Variants in ZSCAN22 observed in about 807,000 individuals in gnomAD.
ZSCAN22 encodes zinc finger and SCAN domain-containing protein 22.
ZSCAN22 carries 7 observed loss-of-function variants against 12.4 expected under a neutral mutation model. The observed-to-expected ratio is 0.57, with a 90% CI of 0.32 to 1.06. The LOEUF is 1.06. Among genes scored for constraint, ZSCAN22 ranks in the 50% least tolerant of loss-of-function variants. The pLI is 0.04. For missense variants in ZSCAN22, 576 were observed against 631.7 expected (o/e 0.91, Z 0.94); for synonymous variants, 243 against 255.9 (o/e 0.95, Z 0.48).
rs1246271145 is a variant in ZSCAN22 at position 58,329,856 on chromosome 19, G to T, written c.-52+2742G>T. Among the ~76,000 whole-genome samples, 1 of 152,182 alleles carries T rather than the reference G, an allele frequency of 6.6e-6. No homozygotes were observed. Among genetic ancestry groups the T allele is most frequent in the African/African-American group, 2.4e-5 (1 of 41,434 alleles). On this transcript the variant is annotated intron_variant, in intron 1 of 2. Coordinates refer to ENST00000329665, the MANE Select transcript of ZSCAN22 (RefSeq NM_181846.3). This position sits in a 1 kb window ranked among gnomAD's most constrained non-coding sequence, Gnocchi z 4.1. ...AGGGTCTTGGAACACATCCCCTGCA[G>T]ATAAGGGGGAACTACCATAGTATAA...
In ZSCAN22 at chr19:58,338,231, C is replaced by A; in HGVS notation, c.404-23C>A. 1 of 1,567,912 alleles carries A rather than the reference C, an allele frequency of 6.4e-7. No homozygotes were observed. ...AGGCTTGGTGTGGTAGGAGGAGTGA[C>A]AGTGTGGTTCGGACTGTTTCAGGAT... On this transcript the variant is annotated intron_variant, in intron 2 of 2. Coordinates refer to ENST00000329665, the MANE Select transcript of ZSCAN22 (RefSeq NM_181846.3). The surrounding 1 kb of genome is among the most constrained non-coding windows in gnomAD (Gnocchi z 5.4).
rs1221215376 is a variant in ZSCAN22, at chr19:58,338,043, A to G, written c.404-211A>G. Among the ~76,000 whole-genome samples, 2 of 152,266 alleles carry G rather than the reference A, an allele frequency of 1.3e-5. No individual in the cohort carries two copies. Among genetic ancestry groups the G allele is most frequent in the Non-Finnish European group, 2.9e-5 (2 of 68,042 alleles). On this transcript the variant is annotated intron_variant, in intron 2 of 2. Coordinates refer to ENST00000329665, the MANE Select transcript of ZSCAN22 (RefSeq NM_181846.3). The surrounding 1 kb of genome is among the most constrained non-coding windows in gnomAD (Gnocchi z 5.4). ...GAGTTTGGTGGGAGGAGGAGAAATC[A>G]GAACCCATGGTGTAGTTTTGGATGG...
intron 1 of ZSCAN22, among the ~76,000 whole-genome samples, chr19:58,334,126 C>G (rs2051759872): frequency 6.6e-6 from 1 of 152,182 alleles, no homozygotes; most frequent in Non-Finnish European, 1.5e-5. Flanking sequence ...GGGAGAAAGA[C>G]TTGGCTCTGT....
chr19:58,339,139 A>C lies in ZSCAN22; in HGVS notation c.1289A>C (p.His430Pro), dbSNP rs749448286. 2 of 1,613,990 alleles carry C rather than the reference A, an allele frequency of 1.2e-6. No homozygotes were observed. The highest frequency in any genetic ancestry group is 2.7e-5 in the African/African-American group (2 of 74,894). The change falls in exon 3 of 3, where the codon CAC becomes CCC. Residue 430 changes from histidine (H) to proline (P), a missense_variant. His to Pro is a moderately conservative substitution (Grantham distance 77). Transcript: ENST00000329665. This position sits in a 1 kb window ranked among gnomAD's most constrained non-coding sequence, Gnocchi z 5.6. The part of the protein sequence containing the change: ...CSALIRHLRI[H>P]SGEKPYQCKV... ...GCCCTGATCCGACATCTGAGAATCC[A>C]CTCTGGAGAGAAGCCATATCAGTGT...
rs958598581 is a variant in ZSCAN22 at position 58,339,465 on chromosome 19, T to A, written c.*139T>A. 6.2e-6 allele frequency: 5 copies of A among 805,046 alleles called. No homozygotes were observed. Among genetic ancestry groups the A allele is most frequent in the Non-Finnish European group, 9.5e-6 (5 of 524,442 alleles). 49.9% of individuals were successfully genotyped at this position (805,046 alleles called of 1,614,324 possible). A position where few individuals can be genotyped will look rare whatever the true frequency, so the allele number is the denominator to read the frequency against. ...AAATGATAGGTGCCTGAGGGCAGAC[T>A]CGGGCTGTCTAGGAACCACTCTGCA... On this transcript the variant is annotated 3_prime_UTR_variant, in exon 3 of 3. Transcript: ENST00000329665. The surrounding 1 kb of genome is among the most constrained non-coding windows in gnomAD (Gnocchi z 5.6).
chr19:58,338,284 C>G lies in ZSCAN22; in HGVS notation c.434C>G (p.Ala145Gly), dbSNP rs749640157. 6.2e-7 allele frequency: 1 copy of G among 1,604,808 alleles called. No homozygotes were observed. Among genetic ancestry groups the G allele is most frequent in the East Asian group, 2.2e-5 (1 of 44,596 alleles). The change falls in exon 3 of 3, where the codon GCA becomes GGA. Residue 145 changes from alanine (A) to glycine (G), a missense_variant. Coordinates refer to ENST00000329665, the MANE Select transcript of ZSCAN22 (RefSeq NM_181846.3). The surrounding 1 kb of genome is among the most constrained non-coding windows in gnomAD (Gnocchi z 5.4). ...GWDPGAEPTE[A>G]SCKQSDLGES... ...GATCCAGGAGCCGAGCCCACAGAGG[C>G]AAGCTGCAAGCAGAGTGACCTGGGA...
intron 1 of ZSCAN22, among the ~76,000 whole-genome samples, chr19:58,328,336 G>C (rs917712588): frequency 6.6e-6 from 1 of 152,188 alleles, no homozygotes; most frequent in African/African-American, 2.4e-5. Flanking sequence ...ATATGAGAGA[G>C]GATTTGTGCT....
At position 58,329,684 on chromosome 19, in the gene ZSCAN22, G is replaced by A. The variant is rs545479521; in HGVS notation, c.-52+2570G>A. On this transcript the variant is annotated intron_variant, in intron 1 of 2. Transcript: ENST00000329665. This position sits in a 1 kb window ranked among gnomAD's most constrained non-coding sequence, Gnocchi z 4.1. ...ACATTAATATAGCTTTTATTACAGT[G>A]TATTGTTATAATTGTTCTATTTTAT... Among the ~76,000 whole-genome samples the A allele has an allele frequency of 6.6e-6, 1 of 152,130 alleles. No individual in the cohort carries two copies. The highest frequency in any genetic ancestry group is 1.5e-5 in the Non-Finnish European group (1 of 68,024).
At chr19:58,334,161 G>T (rs1016202163) in intron 1 of ZSCAN22, among the ~76,000 whole-genome samples, 6 of 152,206 alleles carry the variant, frequency 3.9e-5, no homozygotes, top group Non-Finnish European at 8.8e-5. Flanking sequence ...CCTTAAACAG[G>T]CTGGCTGTAG....
chr19:58,337,311 G>GAC (rs2051810079), intron 2 of ZSCAN22, among the ~76,000 whole-genome samples: 1 of 152,028 alleles, frequency 6.6e-6, no homozygotes, highest in African/African-American at 2.4e-5. Flanking sequence ...GAGTGTGAGG[G>GAC]ACAGAACCGC....
chr19:58,335,602 G>A lies in ZSCAN22; in HGVS notation c.403+397G>A, dbSNP rs1029983872. 2.6e-5 allele frequency among the ~76,000 whole-genome samples: 4 copies of A among 152,190 alleles called. No homozygotes were observed. The highest frequency in any genetic ancestry group is 6.5e-5 in the Admixed American group (1 of 15,282). On this transcript the variant is annotated intron_variant, in intron 2 of 2. Coordinates refer to ENST00000329665, the MANE Select transcript of ZSCAN22 (RefSeq NM_181846.3). The surrounding 1 kb of genome is among the most constrained non-coding windows in gnomAD (Gnocchi z 4.1). ...TATGTCTTACCAATGTAGAAACCCCGGGGTAATAACAATAAGAGGTCCCTG... is the reference window on the plus strand; with the variant it reads ...TATGTCTTACCAATGTAGAAACCCCAGGGTAATAACAATAAGAGGTCCCTG...
At chr19:58,327,970 C>T (rs1454027840) in intron 1 of ZSCAN22, among the ~76,000 whole-genome samples, 1 of 152,168 alleles carries the variant, frequency 6.6e-6, no homozygotes, top group Non-Finnish European at 1.5e-5. Context: ...CCTGCGTCAG[C>T]CTCCCGAGTA....
intron 2 of ZSCAN22, among the ~76,000 whole-genome samples, chr19:58,336,175 G>A (rs1432832569): frequency 2.0e-5 from 3 of 152,214 alleles, no homozygotes; most frequent in Non-Finnish European, 2.9e-5. Context: ...AATGGGGATT[G>A]TAATAAAAAC....
In ZSCAN22 at chr19:58,335,302, C is replaced by G; in HGVS notation, c.403+97C>G. On this transcript the variant is annotated intron_variant, in intron 2 of 2. Coordinates refer to ENST00000329665, the MANE Select transcript of ZSCAN22 (RefSeq NM_181846.3). This position sits in a 1 kb window ranked among gnomAD's most constrained non-coding sequence, Gnocchi z 4.1. ...GCTCTGGTTTGGGGTTGCTCATGCA[C>G]CCATTCTCACATTTGTACTTTACCG... The G allele has an allele frequency of 3.6e-6, 5 of 1,370,076 alleles. No homozygotes were observed. The highest frequency in any genetic ancestry group is 2.5e-5 in the East Asian group (1 of 39,696). The allele number at this position is 1,370,076 out of a possible 1,614,324, so 84.9% of individuals were successfully genotyped here.
intron 2 of ZSCAN22, among the ~76,000 whole-genome samples, chr19:58,337,822 C>T (rs2051815026): frequency 6.7e-6 from 1 of 149,758 alleles, no homozygotes; most frequent in South Asian, 2.2e-4. Context: ...GCAGGGGACA[C>T]ATCCAGGCCT....
At chr19:58,330,093 C>T (rs921944763) in intron 1 of ZSCAN22, among the ~76,000 whole-genome samples, 4 of 152,100 alleles carry the variant, frequency 2.6e-5, no homozygotes, top group African/African-American at 7.2e-5. Context: ...TCGAGACCAT[C>T]GTGGCTAATA....
rs1190877384 is a variant in ZSCAN22 at position 58,339,098 on chromosome 19, C to G, written c.1248C>G (p.Ala416=). 1.2e-6 allele frequency: 2 copies of G among 1,614,278 alleles called. No individual in the cohort carries two copies. Among genetic ancestry groups the G allele is most frequent in the Admixed American group, 3.3e-5 (2 of 60,030 alleles). ...KPYKCDACGR[A]FSDCSALIRH... Reference sequence around the variant, plus strand: ...ACAAGTGTGACGCGTGTGGCCGAGCCTTCAGCGACTGCTCAGCCCTGATCC... The same window carrying G: ...ACAAGTGTGACGCGTGTGGCCGAGCGTTCAGCGACTGCTCAGCCCTGATCC... The change falls in exon 3 of 3, where the codon GCC becomes GCG. Residue 416 remains alanine (A), a synonymous_variant. Transcript: ENST00000329665. The surrounding 1 kb of genome is among the most constrained non-coding windows in gnomAD (Gnocchi z 5.6).
At chr19:58,328,557 G>A (rs904496186) in intron 1 of ZSCAN22, among the ~76,000 whole-genome samples, 4 of 152,164 alleles carry the variant, frequency 2.6e-5, no homozygotes, top group African/African-American at 9.7e-5. Context: ...CCATTATCAG[G>A]CTTGGTATAA....
chr19:58,337,170 C>T (rs568868136), intron 2 of ZSCAN22, among the ~76,000 whole-genome samples: 1 of 152,370 alleles, frequency 6.6e-6, no homozygotes, highest in East Asian at 1.9e-4. Flanking sequence ...TACTCACCCC[C>T]AGCAGCCATA....
Sources: gnomAD v4.1 joint callset for allele counts (sites outside exome capture counted in the v4.1 genomes callset) on GRCh38, gnomAD v4.1.1 for gene constraint, Gnocchi (gnomAD v3.1) non-coding constraint, MANE v1.5 for transcripts, NCBI Gene and HGNC (gene_info 2026-07-23, HGNC 2026-07-21) for gene names.